ELOVL6: variants seen among roughly 807,000 people sequenced by gnomAD.
ELOVL6 encodes the protein ELOVL fatty acid elongase 6, also known as very long chain fatty acid elongase 6.
In ELOVL6, 8 loss-of-function variants were observed where a neutral mutation model predicts 31.7. The observed-to-expected ratio is 0.25, with a 90% CI of 0.15 to 0.45. The LOEUF (loss-of-function observed/expected upper bound fraction) is 0.45. Ranked by LOEUF, ELOVL6 falls within the 20% of genes least tolerant of loss-of-function variation. ELOVL6 has a pLI of 1.00. For synonymous variants in ELOVL6, 101 were observed against 117.7 expected, an observed-to-expected ratio of 0.86 and a Z score of 0.92; for missense variants, 126 against 326.4, an observed-to-expected ratio of 0.39 and a Z score of 4.73.
intron 1 of ELOVL6, among the ~76,000 whole-genome samples, chr4:110,149,492 C>G (rs1173245409): frequency 6.6e-6 from 1 of 152,104 alleles, no homozygotes; most frequent in African/African-American, 2.4e-5. Context: ...ATGTATAGAA[C>G]CGGAGGCCAT....
intron 2 of ELOVL6, among the ~76,000 whole-genome samples, chr4:110,077,309 C>A (rs1037486645): frequency 6.6e-6 from 1 of 152,164 alleles, no homozygotes; most frequent in Non-Finnish European, 1.5e-5. Flanking sequence ...GGTCCCTGAC[C>A]CCCGAGTAGC....
intron 2 of ELOVL6, among the ~76,000 whole-genome samples, chr4:110,084,375 T>TACC (rs1756117215): frequency 1.6e-5 from 2 of 121,748 alleles, no homozygotes; most frequent in Non-Finnish European, 3.2e-5. Flanking sequence ...ATATGATATA[T>TACC]GATATATATC....
At chr4:110,068,216 G>A (rs1327313479) in intron 2 of ELOVL6, among the ~76,000 whole-genome samples, 1 of 152,144 alleles carries the variant, frequency 6.6e-6, no homozygotes, top group Non-Finnish European at 1.5e-5. Context: ...CTTCAGGCAC[G>A]AAGTAACTTC....
At chr4:110,120,728 C>T (rs1757323707) in intron 1 of ELOVL6, among the ~76,000 whole-genome samples, 1 of 151,810 alleles carries the variant, frequency 6.6e-6, no homozygotes, top group African/African-American at 2.4e-5. Flanking sequence ...GAATGTTACA[C>T]TTCTCAACCA....
At chr4:110,161,075 T>C (rs778478716) in intron 1 of ELOVL6, among the ~76,000 whole-genome samples, 102 of 152,296 alleles carry the variant, frequency 6.7e-4, no homozygotes, top group Middle Eastern at 3.4e-3. Flanking sequence ...TATACAACCA[T>C]TACAGAAGAC....
chr4:110,073,946 CCTT>C (rs1054381888), intron 2 of ELOVL6, among the ~76,000 whole-genome samples: 2 of 152,172 alleles, frequency 1.3e-5, no homozygotes, highest in African/African-American at 2.4e-5. Context: ...TTTGTCTCCT[CCTT>C]CTCTGCAAAA....
intron 2 of ELOVL6, among the ~76,000 whole-genome samples, chr4:110,100,670 C>T (rs563835893): frequency 7.3e-4 from 111 of 152,302 alleles, no homozygotes; most frequent in Middle Eastern, 3.4e-3. Flanking sequence ...GTGAAATACA[C>T]AAAAATTCCT....
intron 2 of ELOVL6, among the ~76,000 whole-genome samples, chr4:110,063,560 AGAAGGGCTT>A (rs908297830): frequency 5.9e-5 from 9 of 151,542 alleles, no homozygotes; most frequent in Admixed American, 5.9e-4. Flanking sequence ...CACTTTCCAT[AGAAGGGCTT>A]GAAGGAGAGG....
At chr4:110,125,343 C>A (rs1199066790) in intron 1 of ELOVL6, among the ~76,000 whole-genome samples, 1 of 152,028 alleles carries the variant, frequency 6.6e-6, no homozygotes, top group Non-Finnish European at 1.5e-5. Context: ...AACATAAACA[C>A]TTTTTTAAAA....
At chr4:110,169,818 T>C (rs1758891726) in intron 1 of ELOVL6, among the ~76,000 whole-genome samples, 1 of 150,782 alleles carries the variant, frequency 6.6e-6, no homozygotes, top group Non-Finnish European at 1.5e-5. Flanking sequence ...TTTTTTTTTT[T>C]TTTTGAGATG....
At chr4:110,093,721 G>A (rs1756485784) in intron 2 of ELOVL6, among the ~76,000 whole-genome samples, 1 of 152,112 alleles carries the variant, frequency 6.6e-6, no homozygotes, top group Non-Finnish European at 1.5e-5. Context: ...AAATCAGACA[G>A]ACAAAAATCA....
intron 2 of ELOVL6, among the ~76,000 whole-genome samples, chr4:110,084,222 T>TAAC (rs1756082452): frequency 6.9e-5 from 4 of 57,846 alleles, no homozygotes; most frequent in Admixed American, 1.8e-4. Context: ...ATATAACTTA[T>TAAC]ATGATATATA....
At chr4:110,084,557 C>CTTT (rs1756169099) in intron 2 of ELOVL6, among the ~76,000 whole-genome samples, 2 of 62,220 alleles carry the variant, frequency 3.2e-5, no homozygotes, top group African/African-American at 2.1e-4. Flanking sequence ...CACACACACA[C>CTTT]ACACAGATAT....
chr4:110,122,345 AAC>A (rs1757379368), intron 1 of ELOVL6, among the ~76,000 whole-genome samples: 1 of 152,168 alleles, frequency 6.6e-6, no homozygotes, highest in Admixed American at 6.5e-5. Flanking sequence ...TAGGAATTTT[AAC>A]AGATTTGGCA....
Position 110,080,627 on chromosome 4 carries a change from C to T in ELOVL6, c.222-20873G>A, listed in dbSNP as rs532522510. On this transcript the variant is annotated intron_variant, in intron 2 of 3. Transcript: ENST00000302274. ...ACAGCTATCCGTGACAAACCCACAGCCAATATCATACTGAATGGGCAAAAA... is the reference window on the plus strand; with the variant it reads ...ACAGCTATCCGTGACAAACCCACAGTCAATATCATACTGAATGGGCAAAAA... Among the ~76,000 whole-genome samples the T allele has an allele frequency of 1.4e-3, 218 of 152,290 alleles. 2 individuals are homozygous for T. The highest frequency in any genetic ancestry group is 4.8e-3 in the African/African-American group (200 of 41,556).
chr4:110,164,489 G>T (rs959291881), intron 1 of ELOVL6, among the ~76,000 whole-genome samples: 8 of 152,074 alleles, frequency 5.3e-5, no homozygotes, highest in Non-Finnish European at 8.8e-5. Flanking sequence ...AGCACAGCCG[G>T]GTGAGGTGGC....
chr4:110,111,841 G>A (rs1334774831), intron 1 of ELOVL6, among the ~76,000 whole-genome samples: 2 of 152,100 alleles, frequency 1.3e-5, no homozygotes, highest in East Asian at 1.9e-4. Context: ...TTGGAGATGC[G>A]GGCTAAAGTT....
chr4:110,173,159 C>T lies in ELOVL6; in HGVS notation c.89+25088G>A, dbSNP rs187034824. On this transcript the variant is annotated intron_variant, in intron 1 of 3. Coordinates refer to ENST00000302274, the MANE Select transcript of ELOVL6 (RefSeq NM_024090.3). ...AAATAGCACCTATGACCTGCTTCTC[C>T]GCCCAGACAGAACAAATTATTGGGT... is the stretch of plus-strand genomic sequence containing the variant. Among the ~76,000 whole-genome samples, 46 of 152,266 alleles carry T rather than the reference C, an allele frequency of 3.0e-4. No individual in the cohort carries two copies. The East Asian group carries it at 8.5e-3, about 28-fold the overall frequency.
At chr4:110,181,269 A>G (rs1315620999) in intron 1 of ELOVL6, among the ~76,000 whole-genome samples, 1 of 152,122 alleles carries the variant, frequency 6.6e-6, no homozygotes, top group Admixed American at 6.6e-5. Flanking sequence ...CAACACAGTG[A>G]AACCCTATGT....
Sources: allele counts gnomAD v4.1 joint callset (sites outside exome capture counted in the v4.1 genomes callset), GRCh38; gene constraint gnomAD v4.1.1; transcripts MANE v1.5; gene names NCBI Gene and HGNC (gene_info 2026-07-23, HGNC 2026-07-21).